Variants in PTGFR observed in about 807,000 individuals in gnomAD.
PTGFR encodes the protein prostaglandin F2-alpha receptor.
In PTGFR, 15 loss-of-function variants were observed where a neutral mutation model predicts 26.2. That is an observed-to-expected ratio of 0.57 (90% CI 0.38 to 0.88). The LOEUF is 0.88. PTGFR is among the 40% of genes least tolerant of loss of function. The pLI, the probability that PTGFR is intolerant of heterozygous loss-of-function variation, is 0.00. For missense variants in PTGFR, 369 were observed against 427.2 expected, an observed-to-expected ratio of 0.86 and a Z score of 1.20; for synonymous variants, 165 against 151.1, an observed-to-expected ratio of 1.09 and a Z score of -0.68.
At chr1:78,536,351 A>G in intron 2 of PTGFR, 55 bp from the exon 3 acceptor site, 1 of 1,514,830 alleles carries the variant, frequency 6.6e-7, no homozygotes, top group Non-Finnish European at 8.9e-7. Flanking sequence ...TTTTTTAAAA[A>G]TTATAGGATT....
chr1:78,534,474 C>T (rs1375221176), intron 2 of PTGFR, among the ~76,000 whole-genome samples: 1 of 152,104 alleles, frequency 6.6e-6, no homozygotes, highest in Non-Finnish European at 1.5e-5. Flanking sequence ...AAATAATCCA[C>T]ATTAGTTTTG....
chr1:78,500,826 A>G (rs1487251972), intron 2 of PTGFR, among the ~76,000 whole-genome samples: 1 of 152,246 alleles, frequency 6.6e-6, no homozygotes, highest in Admixed American at 6.5e-5. Context: ...GAGCTCATTT[A>G]AGTATAAAAC....
chr1:78,497,938 T>G, intron 2 of PTGFR: 1 of 1,585,440 alleles, frequency 6.3e-7, no homozygotes, highest in Non-Finnish European at 8.7e-7. Context: ...AGTGATTTCT[T>G]ACATAGGTGA....
At chr1:78,502,148 G>C (rs1649721611) in intron 2 of PTGFR, among the ~76,000 whole-genome samples, 1 of 152,174 alleles carries the variant, frequency 6.6e-6, no homozygotes, top group African/African-American at 2.4e-5. Context: ...CAGAAGTAAA[G>C]ATGTTGCCTG....
intron 2 of PTGFR, among the ~76,000 whole-genome samples, chr1:78,510,221 A>T (rs1008861417): frequency 6.6e-6 from 1 of 152,202 alleles, no homozygotes; most frequent in Non-Finnish European, 1.5e-5. Flanking sequence ...TGAATGCATT[A>T]GTGCATTTTT....
chr1:78,529,688 T>TA (rs1190229671), intron 2 of PTGFR, among the ~76,000 whole-genome samples: 1 of 152,066 alleles, frequency 6.6e-6, no homozygotes, highest in Admixed American at 6.6e-5. Context: ...AAGTTTGGAT[T>TA]AAAAAAGTAA....
At chr1:78,531,747 C>T (rs1462430146) in intron 2 of PTGFR, among the ~76,000 whole-genome samples, 3 of 151,972 alleles carry the variant, frequency 2.0e-5, no homozygotes, top group African/African-American at 4.8e-5. Flanking sequence ...CTTGTAATTG[C>T]CTGTTTCTTC....
chr1:78,511,130 G>A (rs552469746), intron 2 of PTGFR, among the ~76,000 whole-genome samples: 8 of 152,306 alleles, frequency 5.3e-5, no homozygotes, highest in Admixed American at 3.3e-4. Flanking sequence ...GCAAGTGGCT[G>A]TACCATTCCA....
intron 2 of PTGFR, among the ~76,000 whole-genome samples, chr1:78,513,513 C>T (rs1253627107): frequency 2.0e-5 from 3 of 152,176 alleles, no homozygotes; most frequent in Non-Finnish European, 2.9e-5. Flanking sequence ...ATGACTACTT[C>T]TAACAACTTA....
intron 2 of PTGFR, among the ~76,000 whole-genome samples, chr1:78,505,962 A>G (rs1310021210): frequency 2.6e-5 from 4 of 152,170 alleles, no homozygotes; most frequent in African/African-American, 9.7e-5. Flanking sequence ...GGCTATTTCC[A>G]TCTTTTGGCT....
intron 2 of PTGFR, among the ~76,000 whole-genome samples, chr1:78,522,687 A>T (rs554418805): frequency 6.6e-6 from 1 of 152,224 alleles, no homozygotes; most frequent in South Asian, 2.1e-4. Context: ...AAGAGGGATG[A>T]GGAAAGGGCT....
At chr1:78,533,626 A>G (rs951715593) in intron 2 of PTGFR, among the ~76,000 whole-genome samples, 16 of 152,178 alleles carry the variant, frequency 1.1e-4, no homozygotes, top group Non-Finnish European at 1.6e-4. Context: ...TTGCTGCTGG[A>G]TTGATTTATG....
At chr1:78,536,273 T>A in intron 2 of PTGFR, 133 bp from the exon 3 acceptor site, 1 of 837,420 alleles carries the variant, frequency 1.2e-6, no homozygotes, top group Non-Finnish European at 1.8e-6. Context: ...TTGATTTCTT[T>A]CTGTCAGTAT....
chr1:78,531,386 A>G (rs1425282229), intron 2 of PTGFR, among the ~76,000 whole-genome samples: 2 of 152,064 alleles, frequency 1.3e-5, no homozygotes, highest in African/African-American at 4.8e-5. Flanking sequence ...AGGAGTCTCT[A>G]CATCCCTACT....
At chr1:78,530,907 C>CT (rs35732883) in intron 2 of PTGFR, among the ~76,000 whole-genome samples, 24,635 of 152,132 alleles carry the variant, frequency 0.16, 2,218 homozygotes, top group Non-Finnish European at 0.22. Context: ...ACTTGGCTTT[C>CT]TTTTTGGCAA....
rs1184674141 is a variant in PTGFR, at chr1:78,536,509, C to T, written c.902C>T (p.Pro301Leu). 1.9e-6 allele frequency: 3 copies of T among 1,613,054 alleles called. No individual in the cohort carries two copies. Among genetic ancestry groups the T allele is most frequent in the Non-Finnish European group, 2.5e-6 (3 of 1,179,406 alleles). ...RMATWNQILD[P>L]WVYILLRKAV... ...GCAACATGGAATCAAATCTTAGATC[C>T]TTGGGTATATATTCTTCTACGAAAG... Residue 301 changes from proline (P) to leucine (L), a missense_variant, in exon 3 of 3, where the codon CCT (proline) becomes CTT (leucine). Pro to Leu is a moderately conservative substitution (Grantham distance 98). Coordinates refer to ENST00000370757, the MANE Select transcript of PTGFR (RefSeq NM_000959.4).
intron 2 of PTGFR, among the ~76,000 whole-genome samples, chr1:78,521,378 A>G (rs1346749121): frequency 6.6e-6 from 1 of 152,100 alleles, no homozygotes; most frequent in East Asian, 1.9e-4. Context: ...GAACTACTTG[A>G]TTATTGCCTG....
At chr1:78,532,120 G>A in intron 2 of PTGFR, 2 of 352,082 alleles carry the variant, frequency 5.7e-6, no homozygotes, top group South Asian at 4.0e-5. Context: ...GAAATATTTT[G>A]TAACTAGAGA....
At chr1:78,495,225 G>GTT (rs765114662) in intron 2 of PTGFR, among the ~76,000 whole-genome samples, 3 of 152,138 alleles carry the variant, frequency 2.0e-5, no homozygotes, top group Non-Finnish European at 4.4e-5. Context: ...GGAGGCCTTG[G>GTT]GTGAACCCAG....
Sources: gnomAD v4.1 joint callset for allele counts (sites outside exome capture counted in the v4.1 genomes callset) on GRCh38, gnomAD v4.1.1 for gene constraint, MANE v1.5 for transcripts, NCBI Gene and HGNC (gene_info 2026-07-23, HGNC 2026-07-21) for gene names.